Variants in TMTC2 observed in about 807,000 individuals in gnomAD.
TMTC2 encodes protein O-mannosyl-transferase TMTC2.
TMTC2 carries 43 observed loss-of-function variants against 82.4 expected under a neutral mutation model. The ratio of observed to expected loss-of-function variants is 0.52; its 90% CI spans 0.41 to 0.67. TMTC2 has a LOEUF of 0.67. Among genes scored for constraint, TMTC2 ranks in the 30% least tolerant of loss-of-function variants. The pLI is 0.00. For synonymous variants in TMTC2, 408 were observed against 381.9 expected, an observed-to-expected ratio of 1.07 and a Z score of -0.80; for missense variants, 919 against 1,012.4, an observed-to-expected ratio of 0.91 and a Z score of 1.25.
At chr12:82,873,001 C>T (rs935132022) in intron 2 of TMTC2, among the ~76,000 whole-genome samples, 1 of 152,100 alleles carries the variant, frequency 6.6e-6, no homozygotes, top group Non-Finnish European at 1.5e-5. Context: ...TAAATAAAAA[C>T]TATAAATTGC....
chr12:83,087,377 A>T (rs1032927680), intron 11 of TMTC2, among the ~76,000 whole-genome samples: 1 of 151,996 alleles, frequency 6.6e-6, no homozygotes, highest in African/African-American at 2.4e-5. Context: ...CTTCTTCCTA[A>T]CTCTTGTTAA....
intron 1 of TMTC2, among the ~76,000 whole-genome samples, chr12:82,728,537 A>G (rs1180504107): frequency 2.0e-5 from 3 of 152,114 alleles, no homozygotes; most frequent in East Asian, 1.9e-4. Flanking sequence ...CCGGGCCAAC[A>G]TGGTGAAATC....
At chr12:83,055,973 G>C (rs1453225033) in intron 10 of TMTC2, among the ~76,000 whole-genome samples, 1 of 151,844 alleles carries the variant, frequency 6.6e-6, no homozygotes, top group Non-Finnish European at 1.5e-5. Context: ...GCTTAATGTA[G>C]TATGATACTG....
At chr12:83,126,831 C>A (rs537751181) in intron 11 of TMTC2, among the ~76,000 whole-genome samples, 136 of 151,930 alleles carry the variant, frequency 9.0e-4, no homozygotes, top group African/African-American at 3.2e-3. Flanking sequence ...AACAGGTTAT[C>A]TTAAAAACTT....
At chr12:83,030,703 T>G in intron 8 of TMTC2, 95 bp from the exon 9 acceptor site, 1 of 963,508 alleles carries the variant, frequency 1.0e-6, no homozygotes, top group Non-Finnish European at 1.6e-6. Flanking sequence ...CTATGATGAT[T>G]ACCAAGTAGA....
intron 1 of TMTC2, among the ~76,000 whole-genome samples, chr12:82,741,003 G>A (rs1268262065): frequency 1.3e-5 from 2 of 152,094 alleles, no homozygotes; most frequent in Non-Finnish European, 2.9e-5. Flanking sequence ...TTACCCCAGC[G>A]CTCCTCAGCC....
chr12:82,989,558 C>G (rs1424717158), intron 8 of TMTC2, among the ~76,000 whole-genome samples: 1 of 151,252 alleles, frequency 6.6e-6, no homozygotes, highest in African/African-American at 2.4e-5. Flanking sequence ...CATTGCCCAC[C>G]TGCACCCCCC....
intron 1 of TMTC2, among the ~76,000 whole-genome samples, chr12:82,747,188 T>C (rs1875737628): frequency 6.6e-6 from 1 of 152,230 alleles, no homozygotes; most frequent in African/African-American, 2.4e-5. Context: ...CACAGAGTGA[T>C]CATTTCCTTT....
At chr12:82,796,713 G>T (rs1001864392) in intron 1 of TMTC2, among the ~76,000 whole-genome samples, 1 of 152,064 alleles carries the variant, frequency 6.6e-6, no homozygotes, top group African/African-American at 2.4e-5. Flanking sequence ...GCCCGAGCCT[G>T]TTTCTTCTCA....
chr12:82,785,364 C>A (rs1246361774), intron 1 of TMTC2, among the ~76,000 whole-genome samples: 2 of 149,492 alleles, frequency 1.3e-5, no homozygotes, highest in Non-Finnish European at 3.0e-5. Flanking sequence ...CAACCCCCCC[C>A]CGTCCCCCCC....
intron 1 of TMTC2, among the ~76,000 whole-genome samples, chr12:82,805,827 G>A (rs947220545): frequency 6.6e-6 from 1 of 151,950 alleles, no homozygotes; most frequent in Non-Finnish European, 1.5e-5. Flanking sequence ...TTTTGAAAAA[G>A]CCCTTGGCCT....
At chr12:83,123,680 T>C (rs1033970050) in intron 11 of TMTC2, among the ~76,000 whole-genome samples, 3 of 152,230 alleles carry the variant, frequency 2.0e-5, no homozygotes, top group South Asian at 2.1e-4. Flanking sequence ...CCCAAATTAA[T>C]TGAAATTCTG....
chr12:82,815,436 G>T (rs914699118), intron 1 of TMTC2, among the ~76,000 whole-genome samples: 2 of 151,604 alleles, frequency 1.3e-5, no homozygotes, highest in African/African-American at 4.8e-5. Context: ...TCAGCCTCCT[G>T]AGTAGCTGGG....
chr12:82,872,332 A>T (rs1226459093), intron 2 of TMTC2, among the ~76,000 whole-genome samples: 1 of 152,106 alleles, frequency 6.6e-6, no homozygotes, highest in African/African-American at 2.4e-5. Context: ...TTGTGCATAT[A>T]CCCTGGAGGT....
rs957108182 is a variant in TMTC2 at position 83,133,521 on chromosome 12, T to C, written c.*1132T>C. ...TCAAAAGGCATCAAAAACAACTTAT[T>C]TGAAGCTGCAATAGAGTGTAGCATT... On this transcript the variant is annotated 3_prime_UTR_variant, in exon 12 of 12. Transcript: ENST00000321196. The C allele has an allele frequency of 1.3e-5, 2 of 152,254 alleles. No homozygotes were observed. Among genetic ancestry groups the C allele is most frequent in the African/African-American group, 4.8e-5 (2 of 41,476 alleles). The allele number at this position is 152,254 out of a possible 1,614,324, so 9.4% of individuals were successfully genotyped here.
At chr12:82,732,316 G>A (rs928521355) in intron 1 of TMTC2, among the ~76,000 whole-genome samples, 8 of 151,814 alleles carry the variant, frequency 5.3e-5, no homozygotes, top group African/African-American at 1.7e-4. Flanking sequence ...TTGAAGAATA[G>A]GATAACCTTT....
At chr12:82,980,860 A>T (rs1419126889) in intron 7 of TMTC2, among the ~76,000 whole-genome samples, 2 of 151,878 alleles carry the variant, frequency 1.3e-5, no homozygotes, top group Admixed American at 6.6e-5. Flanking sequence ...CTGAAGCACG[A>T]TGTCTATGTT....
chr12:82,956,239 A>G (rs1030062533), intron 4 of TMTC2, among the ~76,000 whole-genome samples: 3 of 152,176 alleles, frequency 2.0e-5, no homozygotes, highest in African/African-American at 2.4e-5. Context: ...AATATTAATC[A>G]TTAATGTAAG....
At chr12:82,932,084 T>C (rs1876066623) in intron 4 of TMTC2, among the ~76,000 whole-genome samples, 1 of 152,192 alleles carries the variant, frequency 6.6e-6, no homozygotes, top group South Asian at 2.1e-4. Context: ...TTTTAAAATG[T>C]GTATTTATGC....
Sources: gnomAD v4.1 joint callset for allele counts (sites outside exome capture counted in the v4.1 genomes callset) on GRCh38, gnomAD v4.1.1 for gene constraint, MANE v1.5 for transcripts, NCBI Gene and HGNC (gene_info 2026-07-23, HGNC 2026-07-21) for gene names.